Variants in DLEU7 observed in about 807,000 individuals in gnomAD.
DLEU7 encodes leukemia-associated protein 7.
Under a neutral mutation model 16.0 loss-of-function variants are expected in DLEU7, and 17 were observed. That is an observed-to-expected ratio of 1.06 (90% CI 0.73 to 1.59). The LOEUF (loss-of-function observed/expected upper bound fraction) is 1.59. Ranked by LOEUF, DLEU7 falls within the 40% of genes most tolerant of loss-of-function variation. The probability of loss-of-function intolerance (pLI) is 0.00; values close to 1 mark genes in which losing one functional copy is unlikely to be tolerated. For synonymous variants in DLEU7, 113 were observed against 139.8 expected, an observed-to-expected ratio of 0.81 and a Z score of 1.35; for missense variants, 308 against 314.9, an observed-to-expected ratio of 0.98 and a Z score of 0.17.
intron 1 of DLEU7, among the ~76,000 whole-genome samples, chr13:50,732,967 A>T (rs1873961049): frequency 6.6e-6 from 1 of 152,194 alleles, no homozygotes; most frequent in Non-Finnish European, 1.5e-5. Context: ...AGGGCATCAG[A>T]TGGTTTCTAC....
intron 1 of DLEU7, among the ~76,000 whole-genome samples, chr13:50,764,219 T>G (rs1446685350): frequency 6.6e-6 from 1 of 152,222 alleles, no homozygotes; most frequent in East Asian, 1.9e-4. Context: ...TTTGTGAGAA[T>G]TAAAGAGTTA....
At chr13:50,731,394 T>C (rs925508026) in intron 1 of DLEU7, among the ~76,000 whole-genome samples, 1 of 152,186 alleles carries the variant, frequency 6.6e-6, no homozygotes. Context: ...AGGTGGTAGG[T>C]AGCTGAGATT....
In DLEU7 at chr13:50,843,011, C is replaced by G. The variant is rs957776971; in HGVS notation, c.459+177G>C. 6.6e-6 allele frequency among the ~76,000 whole-genome samples: 1 copy of G among 152,180 alleles called. No homozygotes were observed. Among genetic ancestry groups the G allele is most frequent in the African/African-American group, 2.4e-5 (1 of 41,454 alleles). On this transcript the variant is annotated intron_variant, in intron 1 of 1. Transcript: ENST00000504404. This position sits in a 1 kb window ranked among gnomAD's most constrained non-coding sequence, Gnocchi z 5.7. ...CAGGTGGGTCTGGGGCTCCCTGCCC[C>G]TCCTGCTGAGTCCCCAGAGTGTCCC...
At chr13:50,751,276 A>C (rs1405508026) in intron 1 of DLEU7, among the ~76,000 whole-genome samples, 1 of 152,240 alleles carries the variant, frequency 6.6e-6, no homozygotes, top group Non-Finnish European at 1.5e-5. Flanking sequence ...CCCTGGTATG[A>C]AACCCACTTG....
intron 1 of DLEU7, among the ~76,000 whole-genome samples, chr13:50,729,845 GTGTC>G (rs1873869162): frequency 6.6e-6 from 1 of 152,034 alleles, no homozygotes; most frequent in Admixed American, 6.6e-5. Context: ...CTTTTGAAAA[GTGTC>G]TGTTCATGTC....
downstream of DLEU7, among the ~76,000 whole-genome samples, chr13:50,819,025 A>G (rs1876817693): frequency 6.6e-6 from 1 of 152,206 alleles, no homozygotes; most frequent in African/African-American, 2.4e-5. Flanking sequence ...CCTTTGATTA[A>G]GATAAACATA....
intron 1 of DLEU7, among the ~76,000 whole-genome samples, chr13:50,750,937 T>C (rs1874544567): frequency 6.6e-6 from 1 of 152,178 alleles, no homozygotes; most frequent in African/African-American, 2.4e-5. Context: ...TTCTTTCTCT[T>C]GTCTGATTGC....
At chr13:50,746,389 T>C (rs1414692033) in intron 1 of DLEU7, among the ~76,000 whole-genome samples, 2 of 152,194 alleles carry the variant, frequency 1.3e-5, no homozygotes, top group Non-Finnish European at 1.5e-5. Context: ...CTGAGCCTTA[T>C]TTTCTTTTAC....
intron 1 of DLEU7, among the ~76,000 whole-genome samples, chr13:50,810,657 C>G (rs1055025442): frequency 6.6e-6 from 1 of 152,136 alleles, no homozygotes; most frequent in Non-Finnish European, 1.5e-5. Context: ...CTGTAGAACA[C>G]AGAGGTGTTT....
chr13:50,763,970 AAAGT>A (rs1210353401), intron 1 of DLEU7, among the ~76,000 whole-genome samples: 2 of 152,230 alleles, frequency 1.3e-5, no homozygotes, highest in African/African-American at 2.4e-5. Context: ...CTGATGAAAC[AAAGT>A]AAGAGACAAT....
At chr13:50,840,560 A>C (rs553791853) in intron 1 of DLEU7, among the ~76,000 whole-genome samples, 3 of 152,296 alleles carry the variant, frequency 2.0e-5, no homozygotes, top group East Asian at 1.9e-4. Flanking sequence ...GTAGTTGTAT[A>C]CTTCTAGAAA....
At chr13:50,730,521 T>C (rs1008077055) in intron 1 of DLEU7, among the ~76,000 whole-genome samples, 3 of 152,162 alleles carry the variant, frequency 2.0e-5, no homozygotes, top group African/African-American at 7.2e-5. Flanking sequence ...ATAAGATAAG[T>C]GAACTCAGAG....
At chr13:50,720,761 T>C (rs1033236293) in intron 1 of DLEU7, among the ~76,000 whole-genome samples, 2 of 152,152 alleles carry the variant, frequency 1.3e-5, no homozygotes, top group East Asian at 1.9e-4. Flanking sequence ...TGAAGAAAAG[T>C]AACTCCCTAA....
intron 1 of DLEU7, among the ~76,000 whole-genome samples, chr13:50,715,209 T>G (rs141928313): frequency 6.6e-6 from 1 of 152,302 alleles, no homozygotes; most frequent in East Asian, 1.9e-4. Context: ...CTCTCTGACT[T>G]TCGTCGGGAA....
At chr13:50,750,276 T>C (rs768872336) in intron 1 of DLEU7, among the ~76,000 whole-genome samples, 3 of 152,218 alleles carry the variant, frequency 2.0e-5, no homozygotes, top group Non-Finnish European at 2.9e-5. Flanking sequence ...GGTTCTCTAT[T>C]CTATTCCATT....
At chr13:50,729,022 T>G (rs540964943) in intron 1 of DLEU7, among the ~76,000 whole-genome samples, 1 of 152,194 alleles carries the variant, frequency 6.6e-6, no homozygotes, top group Admixed American at 6.5e-5. Context: ...ATATATTTAT[T>G]TATTTATTTG....
intron 1 of DLEU7, among the ~76,000 whole-genome samples, chr13:50,838,699 C>T (rs73497569): frequency 0.013 from 1,992 of 152,268 alleles, 44 homozygotes; most frequent in African/African-American, 0.044. Context: ...GTGTGGTCCC[C>T]TCATTCATAT....
chr13:50,779,626 A>T (rs570863327), intron 1 of DLEU7, among the ~76,000 whole-genome samples: 2 of 152,234 alleles, frequency 1.3e-5, no homozygotes, highest in East Asian at 3.9e-4. Context: ...ATGCTTATCA[A>T]GAGGTGCAAT....
intron 1 of DLEU7, among the ~76,000 whole-genome samples, chr13:50,720,983 G>A (rs185874019): frequency 1.4e-3 from 206 of 152,306 alleles, no homozygotes; most frequent in Middle Eastern, 6.8e-3. Flanking sequence ...TTGTTCCTGG[G>A]TGTGTCTAAG....
Sources: gnomAD v4.1 joint callset for allele counts (sites outside exome capture counted in the v4.1 genomes callset) on GRCh38, gnomAD v4.1.1 for gene constraint, Gnocchi (gnomAD v3.1) non-coding constraint, MANE v1.5 for transcripts, NCBI Gene and HGNC (gene_info 2026-07-23, HGNC 2026-07-21) for gene names.